The following HS2ST1 variants were observed in gnomAD, a reference collection of about 807,000 sequenced individuals.
The protein encoded by HS2ST1 is heparan sulfate 2-O-sulfotransferase 1, also known as 2-O-sulfotransferase.
In HS2ST1, 18 loss-of-function variants were observed where a neutral mutation model predicts 42.9. The observed-to-expected ratio is 0.42, with a 90% CI of 0.29 to 0.62. The LOEUF is 0.62. Among genes scored for constraint, HS2ST1 ranks in the 20% least tolerant of loss-of-function variants. HS2ST1 has a pLI of 0.21. For missense variants in HS2ST1, 334 were observed against 433.8 expected (o/e 0.77, Z 2.04); for synonymous variants, 146 against 152.9 (o/e 0.95, Z 0.33).
intron 1 of HS2ST1, chr1:87,046,165 G>A (rs545139004): frequency 1.3e-6 from 1 of 775,854 alleles, no homozygotes; most frequent in East Asian, 3.1e-5. Flanking sequence ...CGTGTTAATA[G>A]AGTGTGCCTG....
chr1:87,018,009 T>C (rs1033291677), intron 1 of HS2ST1, among the ~76,000 whole-genome samples: 4 of 152,158 alleles, frequency 2.6e-5, no homozygotes, highest in African/African-American at 4.8e-5. Context: ...CCTTGACTCA[T>C]TGGCTTACAT....
intron 1 of HS2ST1, among the ~76,000 whole-genome samples, chr1:87,010,787 T>C (rs1649578027): frequency 6.7e-6 from 1 of 148,698 alleles, no homozygotes; most frequent in South Asian, 2.1e-4. Context: ...TGTTTTGTTT[T>C]GTTTTGTTTT....
chr1:87,048,598 GCTTCTA>G (rs1650753948), intron 1 of HS2ST1, among the ~76,000 whole-genome samples: 1 of 124,958 alleles, frequency 8.0e-6, no homozygotes, highest in African/African-American at 2.6e-5. Context: ...TTTTTATCAT[GCTTCTA>G]GTCCCAGTTT....
intron 1 of HS2ST1, among the ~76,000 whole-genome samples, chr1:86,985,121 T>C (rs2102224320): frequency 6.6e-6 from 1 of 151,050 alleles, no homozygotes; most frequent in South Asian, 2.1e-4. Flanking sequence ...TTTGGGAGGC[T>C]GAGGTGGGCG....
At chr1:87,050,312 T>G (rs931597399) in intron 1 of HS2ST1, among the ~76,000 whole-genome samples, 2 of 152,068 alleles carry the variant, frequency 1.3e-5, no homozygotes, top group African/African-American at 4.8e-5. Flanking sequence ...TTGAATAATT[T>G]GATAGATCCC....
At chr1:86,941,296 A>C (rs1660757812) in intron 1 of HS2ST1, among the ~76,000 whole-genome samples, 2 of 151,386 alleles carry the variant, frequency 1.3e-5, no homozygotes, top group Admixed American at 1.3e-4. Context: ...AATATTCCTC[A>C]TTTTTTCTCC....
chr1:86,920,011 C>T lies in HS2ST1; in HGVS notation c.124+4851C>T, dbSNP rs570596254. ...GTAAAAAGTAGTTCTTCCCGAATTT[C>T]AAGAGCGCACTTGTTGCTAATATTG... On this transcript the variant is annotated intron_variant, in intron 1 of 6. Coordinates refer to ENST00000370550, the MANE Select transcript of HS2ST1 (RefSeq NM_012262.4). 3.9e-5 allele frequency among the ~76,000 whole-genome samples: 6 copies of T among 152,166 alleles called. No individual in the cohort carries two copies. The South Asian group carries it at 1.2e-3, about 32-fold the overall frequency.
intron 1 of HS2ST1, among the ~76,000 whole-genome samples, chr1:86,996,305 G>A (rs1038146273): frequency 4.6e-5 from 7 of 152,024 alleles, no homozygotes; most frequent in Non-Finnish European, 8.8e-5. Flanking sequence ...AGCTGGTCAT[G>A]GTGGCACATC....
rs188186654 is a variant in HS2ST1 at position 86,982,779 on chromosome 1, G to A, written c.124+67619G>A. On this transcript the variant is annotated intron_variant, in intron 1 of 6. Coordinates refer to ENST00000370550, the MANE Select transcript of HS2ST1 (RefSeq NM_012262.4). ...TCCTCCCACCTCGGCCTCCCAAAGT[G>A]CTGGGATTACAGGCTTGAGCCACTG... is the stretch of plus-strand genomic sequence containing the variant. Among the ~76,000 whole-genome samples, 582 of 152,252 alleles carry A rather than the reference G, an allele frequency of 3.8e-3. 4 individuals are homozygous for A. Among genetic ancestry groups the A allele is most frequent in the Middle Eastern group, 0.02 (6 of 294 alleles).
At chr1:87,020,989 C>A (rs1301465777) in intron 1 of HS2ST1, among the ~76,000 whole-genome samples, 1 of 152,160 alleles carries the variant, frequency 6.6e-6, no homozygotes, top group Non-Finnish European at 1.5e-5. Context: ...TTATCAAATT[C>A]CTTAGTACCC....
intron 1 of HS2ST1, among the ~76,000 whole-genome samples, chr1:86,936,453 A>G (rs1416263716): frequency 6.6e-6 from 1 of 152,192 alleles, no homozygotes; most frequent in Admixed American, 6.5e-5. Flanking sequence ...GATTTCTCTA[A>G]TATCTGACAT....
intron 1 of HS2ST1, chr1:86,934,806 TATTCCC>T: frequency 6.6e-6 from 1 of 151,948 alleles, no homozygotes; most frequent in Middle Eastern, 3.1e-3. Flanking sequence ...CGGGCACCTG[TATTCCC>T]AGCTACTTGG....
chr1:87,010,556 T>C (rs747587185), intron 1 of HS2ST1, among the ~76,000 whole-genome samples: 1 of 152,138 alleles, frequency 6.6e-6, no homozygotes, highest in Non-Finnish European at 1.5e-5. Flanking sequence ...AAGGAGCCAG[T>C]AGAGAAATTT....
rs1308052974 is a variant in HS2ST1 at position 86,953,320 on chromosome 1, A to C, written c.124+38160A>C. On this transcript the variant is annotated intron_variant, in intron 1 of 6. Coordinates refer to ENST00000370550, the MANE Select transcript of HS2ST1 (RefSeq NM_012262.4). ...ACTTTCTCCATTTCAGCGATAAGGC[A>C]GTTTCGTTTTCTTATCATGGTGTGT... 2.0e-5 allele frequency among the ~76,000 whole-genome samples: 3 copies of C among 152,200 alleles called. No individual in the cohort carries two copies. The South Asian group carries it at 6.2e-4, about 31-fold the overall frequency.
intron 1 of HS2ST1, among the ~76,000 whole-genome samples, chr1:86,956,856 C>A (rs1389543994): frequency 6.6e-6 from 1 of 152,124 alleles, no homozygotes; most frequent in Non-Finnish European, 1.5e-5. Flanking sequence ...CATGTTCTTG[C>A]TAGTTGAATT....
intron 1 of HS2ST1, among the ~76,000 whole-genome samples, chr1:86,964,112 C>T (rs1207585626): frequency 3.4e-5 from 5 of 145,896 alleles, no homozygotes; most frequent in South Asian, 2.2e-4. Context: ...ACATCTCAGA[C>T]GATGGGCAGC....
chr1:86,958,091 T>G (rs1005802577), intron 1 of HS2ST1, among the ~76,000 whole-genome samples: 13 of 151,988 alleles, frequency 8.6e-5, no homozygotes, highest in African/African-American at 2.4e-4. Context: ...CACACCCAGC[T>G]AAGGGGTTTA....
intron 1 of HS2ST1, among the ~76,000 whole-genome samples, chr1:86,972,899 T>A (rs1308488931): frequency 6.6e-6 from 1 of 152,250 alleles, no homozygotes; most frequent in African/African-American, 2.4e-5. Flanking sequence ...ATAATAGTTC[T>A]GCAGACTTTT....
chr1:86,933,535 G>A lies in HS2ST1; in HGVS notation c.124+18375G>A, dbSNP rs199704633. Among the ~76,000 whole-genome samples, 8 of 152,142 alleles carry A rather than the reference G, an allele frequency of 5.3e-5. No individual in the cohort carries two copies. In the East Asian group the frequency reaches 1.5e-3, roughly 29 times the overall value. ...GTTTCCATGTCTCTGCCTACAGTGG[G>A]CATCAGTTTTTGAATGTCGTGTAGT... On this transcript the variant is annotated intron_variant, in intron 1 of 6. Transcript: ENST00000370550.
Sources: gnomAD v4.1 joint callset for allele counts (sites outside exome capture counted in the v4.1 genomes callset) on GRCh38, gnomAD v4.1.1 for gene constraint, MANE v1.5 for transcripts, NCBI Gene and HGNC (gene_info 2026-07-23, HGNC 2026-07-21) for gene names.